The following SOX5 variants were observed in gnomAD, a reference collection of about 807,000 sequenced individuals.
The protein encoded by SOX5 is SRY-box transcription factor 5, also known as transcription factor SOX-5.
Under a neutral mutation model 92.0 loss-of-function variants are expected in SOX5, and 9 were observed. The ratio of observed to expected loss-of-function variants is 0.10; its 90% confidence interval spans 0.06 to 0.17. SOX5 has a LOEUF of 0.17. Ranked by LOEUF, SOX5 falls within the 10% of genes least tolerant of loss-of-function variation. The probability of loss-of-function intolerance (pLI) is 1.00; values close to 1 mark genes in which losing one functional copy is unlikely to be tolerated. For synonymous variants in SOX5, 344 were observed against 336.3 expected (o/e 1.02, Z -0.25); for missense variants, 642 against 944.5 (o/e 0.68, Z 4.20).
chr12:23,580,516 G>C (rs184561943), intron 9 of SOX5, among the ~76,000 whole-genome samples: 2 of 151,918 alleles, frequency 1.3e-5, no homozygotes, highest in African/African-American at 4.8e-5. Flanking sequence ...ATGCTAAAGA[G>C]TGGTTTGGAC....
intron 3 of SOX5, among the ~76,000 whole-genome samples, chr12:23,813,572 AT>A (rs1475351425): frequency 6.6e-6 from 1 of 152,214 alleles, no homozygotes; most frequent in Non-Finnish European, 1.5e-5. Context: ...ATAAAAGTAT[AT>A]GTTGTTCTAT....
At chr12:23,724,845 G>A (rs1479845804) in intron 6 of SOX5, among the ~76,000 whole-genome samples, 6 of 152,122 alleles carry the variant, frequency 3.9e-5, no homozygotes, top group African/African-American at 1.4e-4. Flanking sequence ...AACCAAGAAG[G>A]ACAGTTCAAT....
intron 1 of SOX5, among the ~76,000 whole-genome samples, chr12:23,910,808 C>T (rs2138379581): frequency 6.6e-6 from 1 of 152,066 alleles, no homozygotes; most frequent in Non-Finnish European, 1.5e-5. Flanking sequence ...TGATTTCTTC[C>T]CCAACCTGTG....
At chr12:23,609,698 C>T (rs901953597) in intron 8 of SOX5, among the ~76,000 whole-genome samples, 2 of 107,978 alleles carry the variant, frequency 1.9e-5, no homozygotes, top group African/African-American at 8.3e-5. Flanking sequence ...TTCTTTCCTT[C>T]TTGACAAAGG....
At chr12:24,487,014 A>T (rs1374208668) in intron 1 of SOX5, among the ~76,000 whole-genome samples, 1 of 152,176 alleles carries the variant, frequency 6.6e-6, no homozygotes, top group Non-Finnish European at 1.5e-5. Flanking sequence ...CTACCAGCTC[A>T]TGGGGAGAGT....
At chr12:23,876,237 G>A (rs1457376696) in intron 2 of SOX5, among the ~76,000 whole-genome samples, 1 of 151,940 alleles carries the variant, frequency 6.6e-6, no homozygotes, top group Non-Finnish European at 1.5e-5. Context: ...CCTGACAAAG[G>A]GCTAATATCC....
intron 3 of SOX5, among the ~76,000 whole-genome samples, chr12:24,229,760 G>T (rs977535823): frequency 1.3e-5 from 2 of 152,154 alleles, no homozygotes; most frequent in Non-Finnish European, 2.9e-5. Flanking sequence ...TGCTATGGAT[G>T]GTTGTGACCC....
chr12:23,936,433 A>G (rs1388654471), intron 1 of SOX5, among the ~76,000 whole-genome samples: 2 of 151,034 alleles, frequency 1.3e-5, no homozygotes, highest in African/African-American at 2.4e-5. Flanking sequence ...GACAGTATTC[A>G]TGAGGTAAAC....
chr12:23,729,945 C>A (rs1203907252), intron 6 of SOX5, among the ~76,000 whole-genome samples: 3 of 151,980 alleles, frequency 2.0e-5, no homozygotes, highest in African/African-American at 7.3e-5. Context: ...CTATAGAAAC[C>A]CTGTCCCACC....
chr12:24,350,755 A>C (rs1953973518), intron 2 of SOX5, among the ~76,000 whole-genome samples: 1 of 152,186 alleles, frequency 6.6e-6, no homozygotes, highest in South Asian at 2.1e-4. Flanking sequence ...TCTAGGACAT[A>C]GAACACACTA....
chr12:23,532,026 G>T lies in SOX5; in HGVS notation c.*2193C>A, dbSNP rs943341455. 2.0e-5 allele frequency: 3 copies of T among 150,676 alleles called. No homozygotes were observed. The highest frequency in any genetic ancestry group is 4.4e-5 in the Non-Finnish European group (3 of 67,748). 9.3% of individuals were successfully genotyped at this position (150,676 alleles called of 1,614,324 possible). ...TTATTGGCTGCACTTCCAAATCAGAGCAGAATAAAATAGAAAGGGAGAAAT... is the reference window on the plus strand; with the variant it reads ...TTATTGGCTGCACTTCCAAATCAGATCAGAATAAAATAGAAAGGGAGAAAT... On this transcript the variant is annotated 3_prime_UTR_variant, in exon 15 of 15. Transcript: ENST00000451604.
At chr12:24,245,550 G>A (rs191345432) in intron 3 of SOX5, among the ~76,000 whole-genome samples, 76 of 152,184 alleles carry the variant, frequency 5.0e-4, no homozygotes, top group African/African-American at 1.8e-3. Context: ...AACACAAATA[G>A]GCAGACGGGG....
At chr12:23,942,058 G>A (rs1456492954) in intron 1 of SOX5, among the ~76,000 whole-genome samples, 7 of 151,620 alleles carry the variant, frequency 4.6e-5, no homozygotes, top group African/African-American at 1.7e-4. Flanking sequence ...AGAATTGTAG[G>A]CAAACAAATA....
intron 1 of SOX5, among the ~76,000 whole-genome samples, chr12:23,918,164 A>C (rs1444357767): frequency 6.6e-6 from 1 of 152,224 alleles, no homozygotes; most frequent in African/African-American, 2.4e-5. Flanking sequence ...ACATGAGAAT[A>C]TTATATGCAT....
chr12:23,931,925 T>C (rs1464447675), intron 1 of SOX5, among the ~76,000 whole-genome samples: 1 of 151,588 alleles, frequency 6.6e-6, no homozygotes, highest in East Asian at 1.9e-4. Context: ...ACATTATGAA[T>C]ATGTGGTAAT....
chr12:23,556,296 G>T (rs1180538705), intron 11 of SOX5, among the ~76,000 whole-genome samples: 1 of 152,146 alleles, frequency 6.6e-6, no homozygotes, highest in African/African-American at 2.4e-5. Flanking sequence ...ATATAAATTT[G>T]CAGGGTAGAG....
intron 9 of SOX5, 33 bp downstream of exon 9, chr12:23,604,354 A>C (rs2074965025): frequency 6.2e-7 from 1 of 1,610,398 alleles, no homozygotes; most frequent in African/African-American, 1.3e-5. Context: ...AATAAAGCTA[A>C]GTGGCAAGAC....
intron 5 of SOX5, among the ~76,000 whole-genome samples, chr12:23,739,280 C>CTCTA (rs2093711042): frequency 6.6e-6 from 1 of 152,176 alleles, no homozygotes; most frequent in Non-Finnish European, 1.5e-5. Flanking sequence ...ATCACCTCCC[C>CTCTA]TCTATCTTAC....
chr12:24,412,881 G>C (rs966127372), intron 1 of SOX5, among the ~76,000 whole-genome samples: 1 of 146,256 alleles, frequency 6.8e-6, no homozygotes, highest in Non-Finnish European at 1.5e-5. Context: ...TCAGCATCCC[G>C]AGTAGCTGGG....
Sources: allele counts gnomAD v4.1 joint callset (sites outside exome capture counted in the v4.1 genomes callset), GRCh38; gene constraint gnomAD v4.1.1; transcripts MANE v1.5; gene names NCBI Gene and HGNC (gene_info 2026-07-23, HGNC 2026-07-21).